The following SLC30A10 variants were observed in gnomAD, a reference collection of about 807,000 sequenced individuals.
SLC30A10 encodes calcium/manganese antiporter SLC30A10.
Under a neutral mutation model 21.7 loss-of-function variants are expected in SLC30A10, and 8 were observed. The ratio of observed to expected loss-of-function variants is 0.37; its 90% confidence interval spans 0.22 to 0.67. The LOEUF is 0.67. Ranked by LOEUF, SLC30A10 falls within the 30% of genes least tolerant of loss-of-function variation. The pLI, the probability that SLC30A10 is intolerant of heterozygous loss-of-function variation, is 0.58. For synonymous variants in SLC30A10, 272 were observed against 279.4 expected (o/e 0.97, Z 0.26); for missense variants, 521 against 642.5 (o/e 0.81, Z 2.04).
At position 219,918,706 on chromosome 1, in the gene SLC30A10, G is replaced by T. The variant is rs1659607007; in HGVS notation, c.719-212C>A. The stretch of plus-strand genomic sequence containing the variant: ...ACCATCGCAGGACTCAGAGTACCTT[G>T]GAAGAGCAACAGCCTAGGAAGATTC... On this transcript the variant is annotated intron_variant, in intron 2 of 3. Transcript: ENST00000366926. The surrounding 1 kb of genome is among the most constrained non-coding windows in gnomAD (Gnocchi z 4.4). 4.0e-6 allele frequency: 2 copies of T among 494,626 alleles called. No individual in the cohort carries two copies. The highest frequency in any genetic ancestry group is 3.9e-5 in the Admixed American group (1 of 25,644). The allele number at this position is 494,626 out of a possible 1,614,324, so 30.6% of individuals were successfully genotyped here.
chr1:219,929,483 C>T (rs1449828946), upstream of SLC30A10, among the ~76,000 whole-genome samples: 1 of 152,070 alleles, frequency 6.6e-6, no homozygotes, highest in Non-Finnish European at 1.5e-5. Flanking sequence ...ATACGCAGTA[C>T]AATCGACTGA....
chr1:219,916,083 A>G, intron 3 of SLC30A10, 135 bp from the exon 4 acceptor site: 1 of 1,092,350 alleles, frequency 9.2e-7, no homozygotes, highest in African/African-American at 1.6e-5. Flanking sequence ...GGAAGAAATT[A>G]GTTCTACCTC....
Position 219,913,938 on chromosome 1 carries a change from T to C in SLC30A10, c.*1511A>G, listed in dbSNP as rs1048509962. 6.6e-6 allele frequency: 1 copy of C among 152,124 alleles called. No individual in the cohort carries two copies. The highest frequency in any genetic ancestry group is 1.5e-5 in the Non-Finnish European group (1 of 68,022). The allele number at this position is 152,124 out of a possible 1,614,324, so 9.4% of individuals were successfully genotyped here. On this transcript the variant is annotated 3_prime_UTR_variant, in exon 4 of 4. Transcript: ENST00000366926. ...CTACAAAAAAAGAAAAAAATAATAATTTCCTATCCTACGGATCATAGCTGC... is the reference window on the plus strand; with the variant it reads ...CTACAAAAAAAGAAAAAAATAATAACTTCCTATCCTACGGATCATAGCTGC...
chr1:219,927,686 A>AC, intron 1 of SLC30A10, 115 bp downstream of exon 1: 1 of 900,878 alleles, frequency 1.1e-6, no homozygotes, highest in Non-Finnish European at 1.5e-6. Flanking sequence ...AACAAAAAAA[A>AC]AAAAACAGAA....
At chr1:219,940,406 G>A (rs760918586) in intron 1 of SLC30A10, among the ~76,000 whole-genome samples, 7 of 152,158 alleles carry the variant, frequency 4.6e-5, no homozygotes, top group South Asian at 4.1e-4. Context: ...CTCAGACATC[G>A]TGGAAGCACA....
chr1:219,925,247 T>C (rs1659785239), intron 2 of SLC30A10, among the ~76,000 whole-genome samples: 1 of 152,148 alleles, frequency 6.6e-6, no homozygotes, highest in African/African-American at 2.4e-5. Flanking sequence ...AGAATGAGGA[T>C]AGTTGGCCGG....
intron 1 of SLC30A10, among the ~76,000 whole-genome samples, chr1:219,937,401 C>T (rs1054745233): frequency 2.6e-5 from 4 of 152,266 alleles, no homozygotes; most frequent in Middle Eastern, 3.4e-3. Flanking sequence ...ATTATATCTT[C>T]GAATTTCTTT....
At chr1:219,927,752 G>A (rs1411139105) in intron 1 of SLC30A10, 49 bp downstream of exon 1, 1 of 1,458,818 alleles carries the variant, frequency 6.9e-7, no homozygotes. Context: ...GACCGGGTGG[G>A]AGGAGGAAGG....
At chr1:219,927,694 G>GA (rs1407197241) in intron 1 of SLC30A10, 107 bp downstream of exon 1, 63 of 542,704 alleles carry the variant, frequency 1.2e-4, no homozygotes, top group Non-Finnish European at 1.4e-4. Context: ...AAAAAAAACA[G>GA]AAAAAAAGCA....
In SLC30A10 at chr1:219,913,310, T is replaced by G. The variant is rs961728076; in HGVS notation, c.*2139A>C. On this transcript the variant is annotated 3_prime_UTR_variant, in exon 4 of 4. Coordinates refer to ENST00000366926, the MANE Select transcript of SLC30A10 (RefSeq NM_018713.3). ...CAAGATACTTTTCTGAAGTTAGGTT[T>G]AATTACAGTGGAATTAAGTGCCTTT... 6.6e-6 allele frequency among the ~76,000 whole-genome samples: 1 copy of G among 152,270 alleles called. No homozygotes were observed. Among genetic ancestry groups the G allele is most frequent in the Non-Finnish European group, 1.5e-5 (1 of 68,048 alleles).
At chr1:219,939,325 A>G (rs969242028) in intron 1 of SLC30A10, among the ~76,000 whole-genome samples, 15 of 152,248 alleles carry the variant, frequency 9.9e-5, no homozygotes, top group Non-Finnish European at 4.4e-5. Context: ...AAAGCTGTGA[A>G]TGCCATCCAA....
intron 1 of SLC30A10, among the ~76,000 whole-genome samples, chr1:219,953,369 G>A (rs901951450): frequency 3.9e-5 from 6 of 152,022 alleles, no homozygotes; most frequent in Admixed American, 3.3e-4. Flanking sequence ...GGCCGAGGCG[G>A]GCAGATCATG....
Position 219,922,202 on chromosome 1 carries a change from T to G in SLC30A10, c.719-3708A>C, listed in dbSNP as rs1465966662. 6.1e-3 allele frequency among the ~76,000 whole-genome samples: 407 copies of G among 67,042 alleles called. 34 individuals carry two copies. Among genetic ancestry groups the G allele is most frequent in the African/African-American group, 0.019 (318 of 16,948 alleles). The allele number at this position is 67,042 out of a possible 152,430, so 44.0% of individuals were successfully genotyped here. A position where few individuals can be genotyped will look rare whatever the true frequency, so the allele number is the denominator to read the frequency against. On this transcript the variant is annotated intron_variant, in intron 2 of 3. Coordinates refer to ENST00000366926, the MANE Select transcript of SLC30A10 (RefSeq NM_018713.3). ...TTTTTTTTTTTTTTTTTTTTTTTTT[T>G]TTTTTTTTTTTTTTTTTTTTTTTTT... is the stretch of plus-strand genomic sequence containing the variant.
Position 219,956,062 on chromosome 1 carries a change from G to C in SLC30A10, n.80+2506C>G, listed in dbSNP as rs187898242. On this transcript the variant is annotated intron_variant and non_coding_transcript_variant, in intron 1 of 8. Transcript: ENST00000484239. ...TAGATGATGGGAAGAATACCAAAAT[G>C]TATGGTTCAGAAAAGGTGATACATA... Among the ~76,000 whole-genome samples the C allele has an allele frequency of 1.5e-4, 23 of 152,306 alleles. No homozygotes were observed. The East Asian group carries it at 4.4e-3, about 29-fold the overall frequency.
At chr1:219,926,968 AC>A in intron 2 of SLC30A10, 59 bp downstream of exon 2, 1 of 1,353,886 alleles carries the variant, frequency 7.4e-7, no homozygotes, top group Non-Finnish European at 1.0e-6. Flanking sequence ...ACAGAAATAA[AC>A]AACACAGTCC....
At chr1:219,944,594 C>T (rs1660164294) in intron 1 of SLC30A10, among the ~76,000 whole-genome samples, 1 of 152,014 alleles carries the variant, frequency 6.6e-6, no homozygotes, top group African/African-American at 2.4e-5. Flanking sequence ...GTAACTATAA[C>T]AATTATAAAT....
chr1:219,915,326 T>G lies in SLC30A10; in HGVS notation c.*123A>C. The G allele has an allele frequency of 8.0e-7, 1 of 1,254,262 alleles. No individual in the cohort carries two copies. The highest frequency in any genetic ancestry group is 1.1e-6 in the Non-Finnish European group (1 of 895,808). 77.7% of individuals were successfully genotyped at this position (1,254,262 alleles called of 1,614,324 possible). A position where few individuals can be genotyped will look rare whatever the true frequency, so the allele number is the denominator to read the frequency against. ...AAAATCCCAAACAGCCAACCCCTAGTGAACACAGAGCATGCATGCTGCAAG... is the reference window on the plus strand; with the variant it reads ...AAAATCCCAAACAGCCAACCCCTAGGGAACACAGAGCATGCATGCTGCAAG... On this transcript the variant is annotated 3_prime_UTR_variant, in exon 4 of 4. Transcript: ENST00000366926.
chr1:219,925,404 C>T (rs552966099), intron 2 of SLC30A10, among the ~76,000 whole-genome samples: 1 of 150,970 alleles, frequency 6.6e-6, no homozygotes, highest in Admixed American at 6.6e-5. Flanking sequence ...CGTGGTGGTG[C>T]GCACCTGTAA....
intron 1 of SLC30A10, among the ~76,000 whole-genome samples, chr1:219,955,206 G>A (rs963609421): frequency 5.3e-5 from 8 of 152,028 alleles, no homozygotes; most frequent in Admixed American, 1.3e-4. Flanking sequence ...TCCCTTCCCC[G>A]AAACACATGC....
Sources: gnomAD v4.1 joint callset for allele counts (sites outside exome capture counted in the v4.1 genomes callset) on GRCh38, gnomAD v4.1.1 for gene constraint, Gnocchi (gnomAD v3.1) non-coding constraint, MANE v1.5 for transcripts, NCBI Gene and HGNC (gene_info 2026-07-23, HGNC 2026-07-21) for gene names.